PPP4R2: variants seen among roughly 807,000 people sequenced by gnomAD.
The protein encoded by PPP4R2 is protein phosphatase 4 regulatory subunit 2.
In PPP4R2, 13 loss-of-function variants were observed where a neutral mutation model predicts 47.2. The observed-to-expected ratio is 0.28, with a 90% CI of 0.18 to 0.44. The LOEUF (loss-of-function observed/expected upper bound fraction) is 0.44, where lower values mean the gene tolerates loss of function less well. Ranked by LOEUF, PPP4R2 falls within the 20% of genes least tolerant of loss-of-function variation. The pLI, the probability that PPP4R2 is intolerant of heterozygous loss-of-function variation, is 1.00. For missense variants in PPP4R2, 421 were observed against 491.2 expected, an observed-to-expected ratio of 0.86 and a Z score of 1.35; for synonymous variants, 151 against 163.3, an observed-to-expected ratio of 0.92 and a Z score of 0.57.
chr3:73,054,528 A>G (rs1004793588), intron 3 of PPP4R2, among the ~76,000 whole-genome samples: 2 of 152,166 alleles, frequency 1.3e-5, no homozygotes, highest in Non-Finnish European at 2.9e-5. Context: ...CTGTTAACTA[A>G]GACACCACTA....
chr3:73,065,050 A>ATCT lies in PPP4R2; in HGVS notation c.840_842dup (p.Ser282dup). 1.2e-6 allele frequency: 2 copies of ATCT among 1,613,986 alleles called. No individual in the cohort carries two copies. Among genetic ancestry groups the ATCT allele is most frequent in the South Asian group, 2.2e-5 (2 of 91,074 alleles). On this transcript the variant is annotated inframe_insertion, in exon 8 of 9. Transcript: ENST00000356692. ...TTATGGTAGGAGAAACAGAAGCATCATCTTCATCTCAGGATAAAGACAAAG... is the reference window on the plus strand; with the variant it reads ...TTATGGTAGGAGAAACAGAAGCATCATCTTCTTCATCTCAGGATAAAGACAAAG...
Position 73,065,517 on chromosome 3 carries a change from A to G in PPP4R2, c.1049A>G (p.Asp350Gly). The change falls in exon 9 of 9, where the codon GAT (aspartate) becomes GGT (glycine). Residue 350 changes from aspartate (D) to glycine (G), a missense_variant. Transcript: ENST00000356692. Reference sequence around the variant, plus strand: ...GAAAATAATCAAATGGAGGAATCTGATGTGTCTCAAGCTGAGAAAGATTTG... The same window carrying G: ...GAAAATAATCAAATGGAGGAATCTGGTGTGTCTCAAGCTGAGAAAGATTTG... ...SEENNQMEESDVSQAEKDLLH... is the reference protein window; with the variant it reads ...SEENNQMEESGVSQAEKDLLH... 2 of 1,611,992 alleles carry G rather than the reference A, an allele frequency of 1.2e-6. No homozygotes were observed. Among genetic ancestry groups the G allele is most frequent in the Non-Finnish European group, 1.7e-6 (2 of 1,179,682 alleles).
intron 3 of PPP4R2, among the ~76,000 whole-genome samples, chr3:73,049,490 C>T (rs1702565664): frequency 6.7e-6 from 1 of 150,206 alleles, no homozygotes; most frequent in African/African-American, 2.5e-5. Context: ...CAGAGTGAGA[C>T]TCCATCTCAA....
intron 2 of PPP4R2, among the ~76,000 whole-genome samples, chr3:73,026,080 ATATAAG>A (rs1160894089): frequency 1.3e-5 from 2 of 152,216 alleles, no homozygotes; most frequent in East Asian, 3.8e-4. Flanking sequence ...TCATGCTACA[ATATAAG>A]TATGTTATTC....
intron 2 of PPP4R2, among the ~76,000 whole-genome samples, chr3:73,003,598 T>C (rs11714898): frequency 0.099 from 15,137 of 152,282 alleles, 1,148 homozygotes; most frequent in East Asian, 0.36. Flanking sequence ...ATTGTCATTG[T>C]ATTCTCTCTG....
intron 2 of PPP4R2, among the ~76,000 whole-genome samples, chr3:73,018,457 G>GTTATGTTAT (rs1701895231): frequency 8.8e-6 from 1 of 113,638 alleles, no homozygotes; most frequent in South Asian, 2.5e-4. Context: ...TGTTATTTAT[G>GTTATGTTAT]TTATGTTAGT....
chr3:73,003,572 A>G (rs562231597), intron 2 of PPP4R2, among the ~76,000 whole-genome samples: 1 of 152,246 alleles, frequency 6.6e-6, no homozygotes, highest in Non-Finnish European at 1.5e-5. Context: ...TCATGCCTAC[A>G]ACCAGTCCTT....
intron 6 of PPP4R2, 127 bp downstream of exon 6, chr3:73,063,874 A>C (rs1702926795): frequency 9.0e-7 from 1 of 1,116,956 alleles, no homozygotes; most frequent in Middle Eastern, 2.2e-4. Flanking sequence ...AGAATTAGTT[A>C]ATTTGGTAAG....
At chr3:72,997,276 C>T (rs887051362) in intron 1 of PPP4R2, 1 of 413,406 alleles carries the variant, frequency 2.4e-6, no homozygotes, top group Non-Finnish European at 4.4e-6. Context: ...TGTCGGCCGC[C>T]GGCGTCTGGG....
intron 3 of PPP4R2, among the ~76,000 whole-genome samples, chr3:73,052,455 G>GT (rs1308490542): frequency 6.6e-6 from 1 of 152,016 alleles, no homozygotes; most frequent in Non-Finnish European, 1.5e-5. Flanking sequence ...ATAAAAAAGA[G>GT]TATATGGGTT....
In PPP4R2 at chr3:73,066,264, T is replaced by TATATATATATA. The variant is rs1702995253; in HGVS notation, c.*542_*543insATATATATATA. On this transcript the variant is annotated 3_prime_UTR_variant, in exon 9 of 9. Coordinates refer to ENST00000356692, the MANE Select transcript of PPP4R2 (RefSeq NM_174907.4). ...CATATATATATATATATATATATAA[T>TATATATATATA]TCTAAGGGGGGAAATGTTATATTTT... 1 of 90,892 alleles carries TATATATATATA rather than the reference T, an allele frequency of 1.1e-5. No individual in the cohort carries two copies. The highest frequency in any genetic ancestry group is 4.3e-4 in the South Asian group (1 of 2,320). The allele number at this position is 90,892 out of a possible 1,614,324, so 5.6% of individuals were successfully genotyped here.
chr3:73,031,541 C>CA (rs907441898), intron 2 of PPP4R2, among the ~76,000 whole-genome samples: 1 of 115,180 alleles, frequency 8.7e-6, no homozygotes, highest in East Asian at 2.3e-4. Flanking sequence ...AACTGTGTCT[C>CA]AAAAAAGAAA....
chr3:72,998,842 G>A (rs1701405109), intron 2 of PPP4R2, among the ~76,000 whole-genome samples: 1 of 152,062 alleles, frequency 6.6e-6, no homozygotes, highest in Non-Finnish European at 1.5e-5. Context: ...ATCTGGCTAA[G>A]TTTATTTGTA....
intron 2 of PPP4R2, among the ~76,000 whole-genome samples, chr3:73,006,432 C>G (rs1575839249): frequency 6.6e-6 from 1 of 152,070 alleles, no homozygotes; most frequent in African/African-American, 2.4e-5. Flanking sequence ...CCTCGTAATC[C>G]ACCTGCCTCG....
chr3:72,999,510 C>G (rs1701417407), intron 2 of PPP4R2, among the ~76,000 whole-genome samples: 1 of 152,204 alleles, frequency 6.6e-6, no homozygotes, highest in South Asian at 2.1e-4. Flanking sequence ...TTTTGATATA[C>G]AAGATGATAT....
At chr3:73,008,806 G>T (rs1448590461) in intron 2 of PPP4R2, among the ~76,000 whole-genome samples, 3 of 152,278 alleles carry the variant, frequency 2.0e-5, no homozygotes, top group South Asian at 2.1e-4. Context: ...CGAGTCTAAA[G>T]TACTTAATCT....
At chr3:73,052,493 T>A (rs1702637506) in intron 3 of PPP4R2, among the ~76,000 whole-genome samples, 1 of 152,024 alleles carries the variant, frequency 6.6e-6, no homozygotes, top group African/African-American at 2.4e-5. Flanking sequence ...TTTATGAAAA[T>A]CCTCCTCCTA....
chr3:73,058,712 G>T (rs9813672), intron 3 of PPP4R2, among the ~76,000 whole-genome samples: 1,750 of 151,638 alleles, frequency 0.012, 36 homozygotes, highest in African/African-American at 0.04. Flanking sequence ...ATAAATTATT[G>T]TAGTCAACCT....
chr3:73,005,005 T>A (rs909093007), intron 2 of PPP4R2, among the ~76,000 whole-genome samples: 1 of 151,132 alleles, frequency 6.6e-6, no homozygotes, highest in African/African-American at 2.4e-5. Context: ...AGTCGGAGTC[T>A]TGCTCTGTTG....
Sources: allele counts gnomAD v4.1 joint callset (sites outside exome capture counted in the v4.1 genomes callset), GRCh38; gene constraint gnomAD v4.1.1; transcripts MANE v1.5; gene names NCBI Gene and HGNC (gene_info 2026-07-23, HGNC 2026-07-21).